The following FRAS1 variants were observed in gnomAD, a reference collection of about 807,000 sequenced individuals.
The protein encoded by FRAS1 is extracellular matrix organizing protein FRAS1.
In FRAS1, 290 loss-of-function variants were observed where a neutral mutation model predicts 435.2. The ratio of observed to expected loss-of-function variants is 0.67; its 90% CI spans 0.61 to 0.73. The LOEUF (loss-of-function observed/expected upper bound fraction) is 0.73, where lower values mean the gene tolerates loss of function less well. FRAS1 is among the 30% of genes least tolerant of loss of function. The probability of loss-of-function intolerance (pLI) is 0.00; values close to 1 mark genes in which losing one functional copy is unlikely to be tolerated. For missense variants in FRAS1, 4,860 were observed against 5,001.5 expected, an observed-to-expected ratio of 0.97 and a Z score of 0.85; for synonymous variants, 1,800 against 1,851.0, an observed-to-expected ratio of 0.97 and a Z score of 0.71.
chr4:78,257,851 T>G (rs1725860891), intron 6 of FRAS1, among the ~76,000 whole-genome samples: 2 of 152,178 alleles, frequency 1.3e-5, no homozygotes, highest in South Asian at 2.1e-4. Context: ...CATACTGAAA[T>G]TGCCTGCTTT....
intron 20 of FRAS1, among the ~76,000 whole-genome samples, chr4:78,354,179 G>C (rs1280387926): frequency 6.6e-6 from 1 of 152,108 alleles, no homozygotes; most frequent in Admixed American, 6.6e-5. Flanking sequence ...ACTTCAAGCT[G>C]TTTCCTCGGC....
chr4:78,280,027 A>G (rs996530411), intron 10 of FRAS1, among the ~76,000 whole-genome samples: 3 of 152,232 alleles, frequency 2.0e-5, no homozygotes, highest in African/African-American at 7.2e-5. Context: ...TTGAGATGCA[A>G]CAGCAGAACT....
chr4:78,426,273 C>T (rs1299918896), intron 35 of FRAS1, among the ~76,000 whole-genome samples: 2 of 152,144 alleles, frequency 1.3e-5, no homozygotes, highest in Non-Finnish European at 2.9e-5. Flanking sequence ...AGCCTCAACT[C>T]TTACCTGAAA....
chr4:78,300,537 A>G (rs575015208), intron 14 of FRAS1, among the ~76,000 whole-genome samples: 8 of 152,226 alleles, frequency 5.3e-5, no homozygotes, highest in Admixed American at 2.6e-4. Flanking sequence ...CACCTGGGTC[A>G]TGCAGTAGAC....
chr4:78,181,776 T>G, intron 2 of FRAS1: 2 of 1,610,900 alleles, frequency 1.2e-6, no homozygotes, highest in South Asian at 2.2e-5. Context: ...TCCTCTTTCT[T>G]GTCAACCACG....
At chr4:78,128,041 T>C (rs938521027) in intron 2 of FRAS1, among the ~76,000 whole-genome samples, 2 of 152,006 alleles carry the variant, frequency 1.3e-5, no homozygotes, top group Non-Finnish European at 2.9e-5. Context: ...CTGAGGATGA[T>C]GGTTTCCAGT....
At chr4:78,450,060 A>G in intron 44 of FRAS1, 91 bp from the exon 45 acceptor site, 2 of 921,306 alleles carry the variant, frequency 2.2e-6, no homozygotes, top group East Asian at 5.0e-5. Context: ...TGAATATGTG[A>G]TAATTTAGCC....
At chr4:78,369,755 A>G in intron 22 of FRAS1, 83 bp from the exon 23 acceptor site, 1 of 1,289,572 alleles carries the variant, frequency 7.8e-7, no homozygotes, top group Non-Finnish European at 1.1e-6. Flanking sequence ...CTTTGTTCCT[A>G]TGCAACATCT....
In FRAS1 at chr4:78,110,283, G is replaced by T. The variant is rs1197992358; in HGVS notation, c.108+44267G>T. Among the ~76,000 whole-genome samples the T allele has an allele frequency of 9.6e-5, 11 of 114,676 alleles. 2 individuals carry two copies. Among genetic ancestry groups the T allele is most frequent in the Admixed American group, 9.8e-5 (1 of 10,206 alleles). The allele number at this position is 114,676 out of a possible 152,430, so 75.2% of individuals were successfully genotyped here. On this transcript the variant is annotated intron_variant, in intron 2 of 73. Coordinates refer to ENST00000512123, the MANE Select transcript of FRAS1 (RefSeq NM_025074.7). ...TTCATATGGAACCAAAAAAGAGCCCGCATCGCCAAGTCAATCCTAAGCCAA... is the reference window on the plus strand; with the variant it reads ...TTCATATGGAACCAAAAAAGAGCCCTCATCGCCAAGTCAATCCTAAGCCAA...
intron 9 of FRAS1, among the ~76,000 whole-genome samples, chr4:78,268,269 C>T (rs1304867733): frequency 6.6e-6 from 1 of 152,178 alleles, no homozygotes; most frequent in Admixed American, 6.5e-5. Context: ...CTCAGCTCCT[C>T]TTAACCCTGA....
At chr4:78,315,530 T>C in intron 15 of FRAS1, 64 bp from the exon 16 acceptor site, 1 of 1,513,970 alleles carries the variant, frequency 6.6e-7, no homozygotes, top group Non-Finnish European at 8.9e-7. Context: ...TTGTAAAGAA[T>C]AGACTTCACT....
intron 23 of FRAS1, among the ~76,000 whole-genome samples, chr4:78,370,194 CA>C (rs1456151912): frequency 2.6e-5 from 4 of 152,166 alleles, no homozygotes; most frequent in African/African-American, 9.7e-5. Flanking sequence ...CTATTTGTGT[CA>C]GATGTTGTGC....
intron 70 of FRAS1, among the ~76,000 whole-genome samples, chr4:78,529,718 A>C (rs1721654537): frequency 6.6e-6 from 1 of 152,206 alleles, no homozygotes; most frequent in Admixed American, 6.6e-5. Flanking sequence ...ACAGCTACTA[A>C]GTGACTAACA....
intron 4 of FRAS1, among the ~76,000 whole-genome samples, chr4:78,248,038 G>T (rs539305909): frequency 1.3e-5 from 2 of 152,294 alleles, no homozygotes; most frequent in Non-Finnish European, 2.9e-5. Flanking sequence ...CGGAGCCTTG[G>T]GGGAGGACCT....
chr4:78,160,938 A>T (rs556197865), intron 2 of FRAS1, among the ~76,000 whole-genome samples: 2 of 152,270 alleles, frequency 1.3e-5, no homozygotes, highest in South Asian at 4.1e-4. Context: ...TAGGAGTTTG[A>T]GACCAGGGTG....
At chr4:78,340,069 CTCTGT>C (rs1480488274) in intron 20 of FRAS1, among the ~76,000 whole-genome samples, 3 of 152,060 alleles carry the variant, frequency 2.0e-5, no homozygotes, top group African/African-American at 4.8e-5. Flanking sequence ...TTTTAATGAG[CTCTGT>C]TCTAATGTCC....
intron 2 of FRAS1, among the ~76,000 whole-genome samples, chr4:78,122,294 A>G (rs1719076057): frequency 6.6e-6 from 1 of 152,194 alleles, no homozygotes; most frequent in Non-Finnish European, 1.5e-5. Flanking sequence ...TGTCCCTGCA[A>G]AGGACATTAA....
chr4:78,205,074 T>C (rs1331532050), intron 2 of FRAS1, among the ~76,000 whole-genome samples: 1 of 151,934 alleles, frequency 6.6e-6, no homozygotes, highest in Non-Finnish European at 1.5e-5. Flanking sequence ...TCTCTGACAA[T>C]AGTCAGATGT....
At chr4:78,255,940 T>TA (rs2110138250) in intron 6 of FRAS1, among the ~76,000 whole-genome samples, 1 of 152,308 alleles carries the variant, frequency 6.6e-6, no homozygotes, top group Non-Finnish European at 1.5e-5. Context: ...CAATTGTAAA[T>TA]AAATGTGGTA....
Sources: gnomAD v4.1 joint callset for allele counts (sites outside exome capture counted in the v4.1 genomes callset) on GRCh38, gnomAD v4.1.1 for gene constraint, MANE v1.5 for transcripts, NCBI Gene and HGNC (gene_info 2026-07-23, HGNC 2026-07-21) for gene names.